Variants in CCSER1 observed in about 807,000 individuals in gnomAD.
The protein encoded by CCSER1 is serine-rich coiled-coil domain-containing protein 1.
CCSER1 carries 41 observed loss-of-function variants against 82.0 expected under a neutral mutation model. The observed-to-expected ratio is 0.50, with a 90% CI of 0.39 to 0.65. The LOEUF is 0.65. CCSER1 is among the 30% of genes least tolerant of loss of function. The pLI is 0.00. For missense variants in CCSER1, 1,119 were observed against 1,064.2 expected, an observed-to-expected ratio of 1.05 and a Z score of -0.72; for synonymous variants, 414 against 383.9, an observed-to-expected ratio of 1.08 and a Z score of -0.92.
chr4:91,044,276 T>C (rs1742248308), intron 9 of CCSER1, among the ~76,000 whole-genome samples: 1 of 152,158 alleles, frequency 6.6e-6, no homozygotes, highest in South Asian at 2.1e-4. Context: ...TTCAAAGATA[T>C]ACAGAGAAAA....
chr4:90,907,390 G>A (rs1006772579), intron 8 of CCSER1, among the ~76,000 whole-genome samples: 1 of 151,914 alleles, frequency 6.6e-6, no homozygotes, highest in Admixed American at 6.6e-5. Flanking sequence ...GGGACTTGAT[G>A]TGTTGAAAAA....
chr4:90,418,444 T>G (rs2153559518), intron 4 of CCSER1, among the ~76,000 whole-genome samples: 1 of 152,164 alleles, frequency 6.6e-6, no homozygotes, highest in African/African-American at 2.4e-5. Context: ...CATTTATTTC[T>G]AAGCTTATAA....
At chr4:90,344,559 T>C (rs1741990756) in intron 3 of CCSER1, among the ~76,000 whole-genome samples, 1 of 152,102 alleles carries the variant, frequency 6.6e-6, no homozygotes, top group Non-Finnish European at 1.5e-5. Context: ...CGGAAATGCA[T>C]TTAGTACCCC....
chr4:91,547,799 T>G (rs1367084175), intron 10 of CCSER1, among the ~76,000 whole-genome samples: 4 of 152,190 alleles, frequency 2.6e-5, no homozygotes, highest in Non-Finnish European at 5.9e-5. Context: ...GTTTGTTTTT[T>G]GAGACAGAGT....
intron 5 of CCSER1, among the ~76,000 whole-genome samples, chr4:90,545,170 C>A (rs1776608378): frequency 6.6e-6 from 1 of 152,102 alleles, no homozygotes; most frequent in Admixed American, 6.6e-5. Flanking sequence ...AGAAAGTGAT[C>A]ACACTACTTT....
intron 9 of CCSER1, among the ~76,000 whole-genome samples, chr4:90,943,360 G>T (rs764913071): frequency 6.6e-6 from 1 of 152,094 alleles, no homozygotes; most frequent in Non-Finnish European, 1.5e-5. Flanking sequence ...GTTATTTTGT[G>T]AGTTATCCAT....
chr4:91,082,083 C>T (rs889777359), intron 9 of CCSER1, among the ~76,000 whole-genome samples: 1 of 152,134 alleles, frequency 6.6e-6, no homozygotes, highest in East Asian at 1.9e-4. Flanking sequence ...TCATACGGAA[C>T]CACAAAAGAG....
At chr4:90,610,439 ATCAGCTACTAC>A (rs1785318674) in intron 5 of CCSER1, among the ~76,000 whole-genome samples, 2 of 152,140 alleles carry the variant, frequency 1.3e-5, no homozygotes, top group Non-Finnish European at 2.9e-5. Flanking sequence ...GTGAACAACT[ATCAGCTACTAC>A]TTCATGGTGA....
chr4:90,448,611 A>G (rs1160910967), intron 4 of CCSER1, among the ~76,000 whole-genome samples: 1 of 151,662 alleles, frequency 6.6e-6, no homozygotes, highest in African/African-American at 2.4e-5. Flanking sequence ...AACATGGACA[A>G]ATCATTGTGG....
intron 4 of CCSER1, among the ~76,000 whole-genome samples, chr4:90,458,615 A>G (rs1453261516): frequency 6.6e-6 from 1 of 151,982 alleles, no homozygotes; most frequent in Non-Finnish European, 1.5e-5. Flanking sequence ...TCAGCTCCCC[A>G]TATTGCTGGG....
intron 10 of CCSER1, among the ~76,000 whole-genome samples, chr4:91,491,539 C>G (rs1355371753): frequency 6.6e-6 from 1 of 151,976 alleles, no homozygotes; most frequent in Non-Finnish European, 1.5e-5. Flanking sequence ...AATATATGCT[C>G]AAGATATTGG....
intron 3 of CCSER1, among the ~76,000 whole-genome samples, chr4:90,337,190 A>C (rs1425595714): frequency 6.6e-6 from 1 of 152,250 alleles, no homozygotes; most frequent in East Asian, 1.9e-4. Flanking sequence ...AATGTAATGC[A>C]GTGGGAACAG....
At chr4:90,500,794 G>C (rs1769749868) in intron 5 of CCSER1, among the ~76,000 whole-genome samples, 1 of 152,034 alleles carries the variant, frequency 6.6e-6, no homozygotes, top group South Asian at 2.1e-4. Context: ...TGGTGGCAAT[G>C]TGCTATGTGA....
rs910368431 is a variant in CCSER1, at chr4:90,570,861, A to T, written c.1725-57164A>T. ...GAATTATACCACCAAACAAAAATAT[A>T]TTGTGTTTACGCCCAAGGCCTGTAA... On this transcript the variant is annotated intron_variant, in intron 5 of 10. Coordinates refer to ENST00000509176, the MANE Select transcript of CCSER1 (RefSeq NM_001145065.2). Among the ~76,000 whole-genome samples, 12 of 152,134 alleles carry T rather than the reference A, an allele frequency of 7.9e-5. No individual in the cohort carries two copies. In the East Asian group the frequency reaches 1.6e-3, roughly 20 times the overall value.
At chr4:91,081,118 T>C (rs1256192421) in intron 9 of CCSER1, among the ~76,000 whole-genome samples, 5 of 152,154 alleles carry the variant, frequency 3.3e-5, no homozygotes, top group Non-Finnish European at 5.9e-5. Flanking sequence ...AAGGGAGTTT[T>C]AGACCAATAT....
rs576450206 is a variant in CCSER1, at chr4:91,037,973, C to T, written c.2173-47977C>T. 2.6e-5 allele frequency among the ~76,000 whole-genome samples: 4 copies of T among 152,068 alleles called. No individual in the cohort carries two copies. In the South Asian group the frequency reaches 8.3e-4, roughly 32 times the overall value. ...CTATTCTGTATACATATCATATTTACAATGAATATACATTGCTTTTGTAAT... is the reference window on the plus strand; with the variant it reads ...CTATTCTGTATACATATCATATTTATAATGAATATACATTGCTTTTGTAAT... On this transcript the variant is annotated intron_variant, in intron 9 of 10. Transcript: ENST00000509176.
chr4:90,407,627 C>A (rs1361355468), intron 4 of CCSER1, among the ~76,000 whole-genome samples: 27 of 152,172 alleles, frequency 1.8e-4, no homozygotes, highest in Admixed American at 1.7e-3. Context: ...CTAAATCCAG[C>A]ATCATATCAA....
chr4:91,389,953 G>T (rs993259646), intron 10 of CCSER1, among the ~76,000 whole-genome samples: 1 of 151,962 alleles, frequency 6.6e-6, no homozygotes, highest in Non-Finnish European at 1.5e-5. Context: ...ACTAGTTCCA[G>T]AAATTTTTTG....
intron 5 of CCSER1, among the ~76,000 whole-genome samples, chr4:90,554,820 A>C (rs1291984638): frequency 6.6e-6 from 1 of 152,214 alleles, no homozygotes; most frequent in Non-Finnish European, 1.5e-5. Context: ...GAGAAGTAAA[A>C]TGTAATGCTG....
Sources: allele counts gnomAD v4.1 joint callset (sites outside exome capture counted in the v4.1 genomes callset), GRCh38; gene constraint gnomAD v4.1.1; transcripts MANE v1.5; gene names NCBI Gene and HGNC (gene_info 2026-07-23, HGNC 2026-07-21).